Variants in CNTN5 observed in about 807,000 individuals in gnomAD.
CNTN5 encodes the protein contactin 5.
CNTN5 carries 77 observed loss-of-function variants against 129.1 expected under a neutral mutation model. The observed-to-expected ratio is 0.60, with a 90% CI of 0.50 to 0.72. CNTN5 has a LOEUF of 0.72. CNTN5 is among the 30% of genes least tolerant of loss of function. The pLI, the probability that CNTN5 is intolerant of heterozygous loss-of-function variation, is 0.00. For missense variants in CNTN5, 1,478 were observed against 1,328.8 expected (o/e 1.11, Z -1.75); for synonymous variants, 509 against 465.6 (o/e 1.09, Z -1.20).
intron 2 of CNTN5, among the ~76,000 whole-genome samples, chr11:99,393,929 T>A (rs1941394561): frequency 6.6e-6 from 1 of 151,758 alleles, no homozygotes; most frequent in African/African-American, 2.4e-5. Flanking sequence ...TCAAACTGTT[T>A]AATTAGTGAG....
At chr11:99,333,954 A>G (rs1394113135) in intron 2 of CNTN5, among the ~76,000 whole-genome samples, 1 of 113,964 alleles carries the variant, frequency 8.8e-6, no homozygotes, top group Middle Eastern at 4.1e-3. Context: ...CAACTCATCA[A>G]CTTTCTCTCT....
At chr11:99,032,229 G>A (rs1478007524) in intron 1 of CNTN5, among the ~76,000 whole-genome samples, 2 of 151,944 alleles carry the variant, frequency 1.3e-5, no homozygotes, top group Non-Finnish European at 1.5e-5. Context: ...ATAAGCATAC[G>A]TGTGCATGTG....
intron 1 of CNTN5, among the ~76,000 whole-genome samples, chr11:99,268,578 G>T (rs1453813144): frequency 2.0e-5 from 3 of 151,878 alleles, no homozygotes; most frequent in African/African-American, 7.2e-5. Flanking sequence ...TTTAGGTAAA[G>T]AAGTGAGAAG....
intron 9 of CNTN5, among the ~76,000 whole-genome samples, chr11:100,002,732 TA>T (rs1939951491): frequency 6.6e-6 from 1 of 152,110 alleles, no homozygotes; most frequent in Non-Finnish European, 1.5e-5. Flanking sequence ...CAGCCCAGGA[TA>T]TATAGTCACT....
At chr11:100,350,677 G>T in intron 23 of CNTN5, 25 bp from the exon 24 acceptor site, 1 of 1,577,578 alleles carries the variant, frequency 6.3e-7, no homozygotes, top group Non-Finnish European at 8.7e-7. Context: ...CATATCAAAT[G>T]TCTAAACCTT....
In CNTN5 at chr11:100,228,532, T is replaced by C. The variant is rs1038451447; in HGVS notation, c.2005+3720T>C. 9.2e-5 allele frequency among the ~76,000 whole-genome samples: 14 copies of C among 152,244 alleles called. 1 individual carries two copies. The highest frequency in any genetic ancestry group is 3.4e-4 in the African/African-American group (14 of 41,462). ...ATAATTATTTATTTCCTTGAATATCTAACTTTACTCTCTCCCAACTCAACC... is the reference window on the plus strand; with the variant it reads ...ATAATTATTTATTTCCTTGAATATCCAACTTTACTCTCTCCCAACTCAACC... On this transcript the variant is annotated intron_variant, in intron 16 of 24. Coordinates refer to ENST00000524871, the MANE Select transcript of CNTN5 (RefSeq NM_014361.4).
chr11:100,161,868 C>A (rs1460161921), intron 13 of CNTN5, among the ~76,000 whole-genome samples: 6 of 133,822 alleles, frequency 4.5e-5, no homozygotes, highest in Non-Finnish European at 6.6e-5. Flanking sequence ...CACACACACA[C>A]ACACAAAACA....
intron 2 of CNTN5, among the ~76,000 whole-genome samples, chr11:99,408,463 A>AG (rs1491288446): frequency 6.0e-5 from 8 of 134,206 alleles, no homozygotes; most frequent in Non-Finnish European, 1.3e-4. Flanking sequence ...AGAAAGAAAG[A>AG]AAGAAAGAAA....
At chr11:99,389,358 C>G (rs2136183094) in intron 2 of CNTN5, among the ~76,000 whole-genome samples, 1 of 152,124 alleles carries the variant, frequency 6.6e-6, no homozygotes, top group South Asian at 2.1e-4. Flanking sequence ...CCAGGTTAAA[C>G]ACCTTTTAAA....
chr11:99,808,629 AC>A (rs1295373118), intron 3 of CNTN5, among the ~76,000 whole-genome samples: 1 of 152,076 alleles, frequency 6.6e-6, no homozygotes, highest in Admixed American at 6.6e-5. Context: ...TAACTAACTC[AC>A]CTTGCAGGGA....
chr11:100,052,721 A>G (rs1355173451), intron 9 of CNTN5, among the ~76,000 whole-genome samples: 1 of 151,834 alleles, frequency 6.6e-6, no homozygotes, highest in Non-Finnish European at 1.5e-5. Context: ...TCTGAAACTT[A>G]CATGAAATTC....
intron 1 of CNTN5, among the ~76,000 whole-genome samples, chr11:99,210,904 A>G (rs1859741888): frequency 3.3e-5 from 5 of 152,166 alleles, no homozygotes; most frequent in Admixed American, 2.0e-4. Flanking sequence ...CTAGTACAAC[A>G]TATGTTTCTA....
chr11:99,992,441 A>G (rs769614068), intron 8 of CNTN5, among the ~76,000 whole-genome samples: 5 of 152,178 alleles, frequency 3.3e-5, no homozygotes, highest in Admixed American at 6.5e-5. Flanking sequence ...TTTTTCAGAC[A>G]TTTTAGTCAG....
chr11:100,021,352 ATCT>A (rs1941134531), intron 9 of CNTN5, among the ~76,000 whole-genome samples: 1 of 152,248 alleles, frequency 6.6e-6, no homozygotes, highest in East Asian at 1.9e-4. Context: ...TGTTGCTCAA[ATCT>A]TCTATATCTT....
intron 13 of CNTN5, 87 bp downstream of exon 13, chr11:100,074,381 T>C: frequency 9.0e-7 from 1 of 1,113,362 alleles, no homozygotes. Flanking sequence ...GAAAGAGTCT[T>C]GCAGTACCGT....
intron 8 of CNTN5, among the ~76,000 whole-genome samples, chr11:99,988,106 T>C (rs1938809983): frequency 6.6e-6 from 1 of 152,166 alleles, no homozygotes; most frequent in Non-Finnish European, 1.5e-5. Context: ...GGCTTTGAAA[T>C]CCACAAGAGT....
At chr11:100,039,155 G>A (rs1253530004) in intron 9 of CNTN5, among the ~76,000 whole-genome samples, 1 of 152,126 alleles carries the variant, frequency 6.6e-6, no homozygotes, top group Non-Finnish European at 1.5e-5. Flanking sequence ...CTCTTTTAGG[G>A]CAGGCCTGGT....
intron 2 of CNTN5, among the ~76,000 whole-genome samples, chr11:99,398,459 T>G (rs190686292): frequency 6.6e-6 from 1 of 152,100 alleles, no homozygotes; most frequent in Non-Finnish European, 1.5e-5. Flanking sequence ...TATTCATCAT[T>G]ACTGTATCAT....
chr11:99,794,613 T>C (rs1038593998), intron 3 of CNTN5, among the ~76,000 whole-genome samples: 1 of 152,210 alleles, frequency 6.6e-6, no homozygotes, highest in Non-Finnish European at 1.5e-5. Context: ...GTAAGGCAGA[T>C]CTTTTGGTAA....
Sources: allele counts gnomAD v4.1 joint callset (sites outside exome capture counted in the v4.1 genomes callset), GRCh38; gene constraint gnomAD v4.1.1; transcripts MANE v1.5; gene names NCBI Gene and HGNC (gene_info 2026-07-23, HGNC 2026-07-21).